PCDHGA3: variants seen among roughly 807,000 people sequenced by gnomAD.
The protein encoded by PCDHGA3 is protocadherin gamma-A3.
Under a neutral mutation model 58.5 loss-of-function variants are expected in PCDHGA3, and 40 were observed. The ratio of observed to expected loss-of-function variants is 0.68; its 90% CI spans 0.53 to 0.89. The LOEUF (loss-of-function observed/expected upper bound fraction) is 0.89. Among genes scored for constraint, PCDHGA3 ranks in the 40% least tolerant of loss-of-function variants. The pLI is 0.00. For missense variants in PCDHGA3, 1,223 were observed against 1,195.9 expected (o/e 1.02, Z -0.33); for synonymous variants, 530 against 525.7 (o/e 1.01, Z -0.11).
At chr5:141,500,438 T>C (rs977844035) in intron 2 of PCDHGA3, among the ~76,000 whole-genome samples, 2 of 151,816 alleles carry the variant, frequency 1.3e-5, no homozygotes, top group African/African-American at 4.8e-5. Flanking sequence ...CTCGATCTCC[T>C]GACCTCGTGA....
chr5:141,490,042 G>A lies in PCDHGA3; in HGVS notation c.2425-4765G>A. On this transcript the variant is annotated intron_variant, in intron 1 of 3. Transcript: ENST00000253812. This position sits in a 1 kb window ranked among gnomAD's most constrained non-coding sequence, Gnocchi z 5.4. ...TCTGCTGCTCCGCCTCAATGCCACT[G>A]ATCCAGACGAGGGCACCAACGGCCA... The A allele has an allele frequency of 6.2e-7, 1 of 1,614,266 alleles. No homozygotes were observed. Among genetic ancestry groups the A allele is most frequent in the Non-Finnish European group, 8.5e-7 (1 of 1,180,038 alleles).
chr5:141,364,528 C>T (rs1445482375), intron 1 of PCDHGA3: 5 of 1,614,048 alleles, frequency 3.1e-6, no homozygotes, highest in Non-Finnish European at 2.5e-6. Context: ...GAGTCCGCAT[C>T]GTCTCCAGAG....
chr5:141,344,688 G>C lies in PCDHGA3; in HGVS notation c.655G>C (p.Asp219His). Residue 219 changes from aspartate to histidine, a missense_variant, in exon 1 of 4, where the codon GAC (aspartate) becomes CAC (histidine). This residue lies in a region of PCDHGA3 where 791 missense variants were observed against 708.5 expected (regional missense o/e 1.12). Coordinates refer to ENST00000253812, the MANE Select transcript of PCDHGA3 (RefSeq NM_018916.4). ...QLVLVASDGG[D>H]PVHSGNLHIQ... ...TGTCCTGGTTGCCTCTGATGGTGGC[G>C]ACCCTGTCCACTCTGGCAACTTGCA... 1.2e-6 allele frequency: 2 copies of C among 1,613,946 alleles called. No homozygotes were observed.
At chr5:141,446,604 G>C (rs1226194089) in intron 1 of PCDHGA3, among the ~76,000 whole-genome samples, 1 of 152,134 alleles carries the variant, frequency 6.6e-6, no homozygotes, top group Non-Finnish European at 1.5e-5. Flanking sequence ...AGCCTCCTGA[G>C]TAGCTGGGAC....
At chr5:141,384,943 G>T in intron 1 of PCDHGA3, 1 of 1,613,996 alleles carries the variant, frequency 6.2e-7, no homozygotes, top group Non-Finnish European at 8.5e-7. Flanking sequence ...TGAGCCCTCC[G>T]ACGGTCCTTA....
At chr5:141,442,674 A>G (rs2098335634) in intron 1 of PCDHGA3, among the ~76,000 whole-genome samples, 1 of 152,272 alleles carries the variant, frequency 6.6e-6, no homozygotes, top group Non-Finnish European at 1.5e-5. Context: ...GGTGAGCTTG[A>G]GGGACAGTAG....
In PCDHGA3 at chr5:141,487,801, A is replaced by G. The variant is rs895741843; in HGVS notation, c.2425-7006A>G. The G allele has an allele frequency of 1.0e-5, 15 of 1,479,820 alleles. No individual in the cohort carries two copies. The highest frequency in any genetic ancestry group is 2.7e-6 in the Non-Finnish European group (3 of 1,095,672). The allele number at this position is 1,479,820 out of a possible 1,614,324, so 91.7% of individuals were successfully genotyped here. On this transcript the variant is annotated intron_variant, in intron 1 of 3. Coordinates refer to ENST00000253812, the MANE Select transcript of PCDHGA3 (RefSeq NM_018916.4). The surrounding 1 kb of genome is among the most constrained non-coding windows in gnomAD (Gnocchi z 5.0). ...GTTTCGTGAATTAACCAGAGTTGTC[A>G]CAGTTTAGCATTGGGGGCGGGTCAT... is the stretch of plus-strand genomic sequence containing the variant.
At chr5:141,422,592 C>T (rs2096658264) in intron 1 of PCDHGA3, 1 of 1,614,090 alleles carries the variant, frequency 6.2e-7, no homozygotes. Flanking sequence ...TTTTTCCTCA[C>T]TCCTCTTACT....
rs1315225126 is a variant in PCDHGA3 at position 141,487,926 on chromosome 5, A to G, written c.2425-6881A>G. The G allele has an allele frequency of 2.2e-5, 14 of 626,676 alleles. No individual in the cohort carries two copies. Among genetic ancestry groups the G allele is most frequent in the Non-Finnish European group, 3.9e-5 (14 of 359,988 alleles). The allele number at this position is 626,676 out of a possible 1,614,324, so 38.8% of individuals were successfully genotyped here. ...GTGGGAGCACAGGAGGCTACAGTGC[A>G]CAGGGTACAGTGCACCAGGCAGTCA... On this transcript the variant is annotated intron_variant, in intron 1 of 3. Coordinates refer to ENST00000253812, the MANE Select transcript of PCDHGA3 (RefSeq NM_018916.4). The surrounding 1 kb of genome is among the most constrained non-coding windows in gnomAD (Gnocchi z 5.0).
rs772864846 is a variant in PCDHGA3, at chr5:141,352,076, C to T, written c.2424+5619C>T. ...CGCTTGGCTGTCCTACCACGTGCTGCAGGCCAGCGAGCCCGGGCTCTTCAG... is the reference window on the plus strand; with the variant it reads ...CGCTTGGCTGTCCTACCACGTGCTGTAGGCCAGCGAGCCCGGGCTCTTCAG... On this transcript the variant is annotated intron_variant, in intron 1 of 3. Transcript: ENST00000253812. 7.5e-6 allele frequency: 12 copies of T among 1,604,858 alleles called. No individual in the cohort carries two copies. In the African/African-American group the frequency reaches 1.2e-4, roughly 16 times the overall value.
Position 141,345,625 on chromosome 5 carries a change from T to TGGTGACAGCC in PCDHGA3, c.1593_1602dup (p.Ser535GlyfsTer255). ...GAGCAATTTAGAGACTTAAAGCTAC[T>TGGTGACAGCC]GGTGACAGCCAGCGACAGCGGGAAC... On this transcript the variant is annotated frameshift_variant, in exon 1 of 4. Coordinates refer to ENST00000253812, the MANE Select transcript of PCDHGA3 (RefSeq NM_018916.4). LOFTEE classifies it high-confidence loss of function. 6.2e-7 allele frequency: 1 copy of TGGTGACAGCC among 1,614,184 alleles called. No individual in the cohort carries two copies. Among genetic ancestry groups the TGGTGACAGCC allele is most frequent in the Non-Finnish European group, 8.5e-7 (1 of 1,180,028 alleles).
rs776737236 is a variant in PCDHGA3, at chr5:141,431,439, G to T, written c.2425-63368G>T. 20 of 1,613,724 alleles carry T rather than the reference G, an allele frequency of 1.2e-5. No individual in the cohort carries two copies. The highest frequency in any genetic ancestry group is 4.5e-5 in the East Asian group (2 of 44,888). Reference sequence around the variant, plus strand: ...GACCCGGTGCGCACAGGCACCGCGCGCATCCGCGTGATGGTTCTGGATGCG... The same window carrying T: ...GACCCGGTGCGCACAGGCACCGCGCTCATCCGCGTGATGGTTCTGGATGCG... On this transcript the variant is annotated intron_variant, in intron 1 of 3. Coordinates refer to ENST00000253812, the MANE Select transcript of PCDHGA3 (RefSeq NM_018916.4). This position sits in a 1 kb window ranked among gnomAD's most constrained non-coding sequence, Gnocchi z 4.8.
intron 1 of PCDHGA3, among the ~76,000 whole-genome samples, chr5:141,402,737 G>T (rs948478466): frequency 3.9e-5 from 6 of 152,276 alleles, no homozygotes; most frequent in East Asian, 1.9e-4. Context: ...CGCCGCTGTT[G>T]ATCAACTCTA....
At chr5:141,455,920 C>A (rs941360102) in intron 1 of PCDHGA3, among the ~76,000 whole-genome samples, 1 of 147,944 alleles carries the variant, frequency 6.8e-6, no homozygotes, top group Non-Finnish European at 1.5e-5. Flanking sequence ...TATTTTGAGA[C>A]GGAGTCTCGC....
At chr5:141,383,007 G>T (rs1047921009) in intron 1 of PCDHGA3, 1 of 1,613,748 alleles carries the variant, frequency 6.2e-7, no homozygotes, top group Admixed American at 1.7e-5. Context: ...ACTCCGTGTC[G>T]GAGGAGACGG....
At chr5:141,447,400 A>G (rs904985523) in intron 1 of PCDHGA3, among the ~76,000 whole-genome samples, 1 of 152,090 alleles carries the variant, frequency 6.6e-6, no homozygotes, top group Non-Finnish European at 1.5e-5. Flanking sequence ...GGCCTCCCAA[A>G]GTGCTGGGAT....
intron 1 of PCDHGA3, chr5:141,357,117 G>C (rs539262647): frequency 6.2e-7 from 1 of 1,613,714 alleles, no homozygotes; most frequent in Non-Finnish European, 8.5e-7. Context: ...ACGCGCTCAA[G>C]CAGAGGCTTG....
At chr5:141,373,588 T>A (rs1021552918) in intron 1 of PCDHGA3, among the ~76,000 whole-genome samples, 3 of 152,222 alleles carry the variant, frequency 2.0e-5, no homozygotes, top group African/African-American at 4.8e-5. Context: ...GGTGGTGAAA[T>A]GTGATGATAA....
At chr5:141,360,285 C>A in intron 1 of PCDHGA3, 1 of 1,613,972 alleles carries the variant, frequency 6.2e-7, no homozygotes, top group Non-Finnish European at 8.5e-7. Context: ...TAGGAAACCT[C>A]GCCAAGGATC....
Sources: gnomAD v4.1 joint callset for allele counts (sites outside exome capture counted in the v4.1 genomes callset) on GRCh38, gnomAD v4.1.1 for gene constraint, gnomAD v4.1.1 regional missense constraint, Gnocchi (gnomAD v3.1) non-coding constraint, MANE v1.5 for transcripts, NCBI Gene and HGNC (gene_info 2026-07-23, HGNC 2026-07-21) for gene names.